Variants in PLCB1 observed in about 807,000 individuals in gnomAD.
PLCB1 encodes 1-phosphatidylinositol 4,5-bisphosphate phosphodiesterase beta-1.
In PLCB1, 46 loss-of-function variants were observed where a neutral mutation model predicts 161.8. The ratio of observed to expected loss-of-function variants is 0.28; its 90% CI spans 0.22 to 0.36. The LOEUF (loss-of-function observed/expected upper bound fraction) is 0.36. PLCB1 is among the 10% of genes least tolerant of loss of function. The probability of loss-of-function intolerance (pLI) is 1.00; values close to 1 mark genes in which losing one functional copy is unlikely to be tolerated. For synonymous variants in PLCB1, 517 were observed against 503.7 expected (o/e 1.03, Z -0.35); for missense variants, 1,016 against 1,472.5 (o/e 0.69, Z 5.07).
chr20:8,672,391 G>A (rs911754126), intron 9 of PLCB1, among the ~76,000 whole-genome samples: 32 of 136,600 alleles, frequency 2.3e-4, no homozygotes, highest in Non-Finnish European at 4.4e-4. Context: ...GCACTTTCCT[G>A]TTATACTCTT....
chr20:8,270,149 C>T (rs999805632), intron 2 of PLCB1, among the ~76,000 whole-genome samples: 3 of 152,004 alleles, frequency 2.0e-5, no homozygotes, highest in African/African-American at 4.8e-5. Flanking sequence ...AATAATGTTC[C>T]GGAGATGTTG....
At chr20:8,546,313 C>CAAAAAAAAAAAAAAAAAAAAAAAAAA (rs369485988) in intron 3 of PLCB1, among the ~76,000 whole-genome samples, 1 of 102,938 alleles carries the variant, frequency 9.7e-6, no homozygotes, top group Non-Finnish European at 1.9e-5. Flanking sequence ...GACTCTATCT[C>CAAAAAAAAAAAAAAAAAAAAAAAAAA]AAAAAAAAAA....
At chr20:8,538,197 TTC>T (rs1985131093) in intron 3 of PLCB1, among the ~76,000 whole-genome samples, 2 of 152,072 alleles carry the variant, frequency 1.3e-5, no homozygotes, top group South Asian at 2.1e-4. Flanking sequence ...AATTGAAATA[TTC>T]ACATATCTTA....
chr20:8,600,384 TG>T (rs1351463493), intron 3 of PLCB1, among the ~76,000 whole-genome samples: 189 of 125,456 alleles, frequency 1.5e-3, no homozygotes, highest in Admixed American at 3.0e-3. Context: ...GTGCCCCTGC[TG>T]GGGGGTGCCT....
chr20:8,685,787 A>G (rs1217897484), intron 10 of PLCB1, among the ~76,000 whole-genome samples: 1 of 152,112 alleles, frequency 6.6e-6, no homozygotes, highest in Non-Finnish European at 1.5e-5. Flanking sequence ...AAGGTAGGAC[A>G]GGGCTTTAGA....
chr20:8,764,326 G>T (rs905017460), intron 25 of PLCB1, among the ~76,000 whole-genome samples: 8 of 152,132 alleles, frequency 5.3e-5, no homozygotes, highest in Admixed American at 1.3e-4. Flanking sequence ...TGTTTATACT[G>T]TAAATGATAC....
intron 3 of PLCB1, among the ~76,000 whole-genome samples, chr20:8,488,243 A>T (rs1283520784): frequency 6.6e-6 from 1 of 151,906 alleles, no homozygotes; most frequent in Non-Finnish European, 1.5e-5. Flanking sequence ...GAAGTGAATT[A>T]AACATGTTTA....
intron 2 of PLCB1, among the ~76,000 whole-genome samples, chr20:8,189,589 C>G (rs73080291): frequency 0.034 from 5,110 of 152,094 alleles, 107 homozygotes; most frequent in Non-Finnish European, 0.05. Flanking sequence ...ATAGAAAACA[C>G]AATGAACTTG....
intron 3 of PLCB1, among the ~76,000 whole-genome samples, chr20:8,485,226 T>G (rs914162713): frequency 3.3e-5 from 5 of 152,198 alleles, no homozygotes; most frequent in African/African-American, 1.2e-4. Flanking sequence ...GAACTTAGAT[T>G]AAGGGAGTAG....
At chr20:8,763,802 A>T (rs1172143782) in intron 25 of PLCB1, among the ~76,000 whole-genome samples, 1 of 152,066 alleles carries the variant, frequency 6.6e-6, no homozygotes, top group Non-Finnish European at 1.5e-5. Flanking sequence ...TACAGGCATG[A>T]GCCAATGCAC....
At chr20:8,151,257 C>T (rs10485719) in intron 2 of PLCB1, among the ~76,000 whole-genome samples, 61,531 of 151,986 alleles carry the variant, frequency 0.4, 12,510 homozygotes, top group Middle Eastern at 0.46. Context: ...TCCACAGTTA[C>T]GGATGAAGGA....
intron 2 of PLCB1, among the ~76,000 whole-genome samples, chr20:8,334,900 C>A (rs1985516134): frequency 6.6e-6 from 1 of 152,216 alleles, no homozygotes; most frequent in Non-Finnish European, 1.5e-5. Context: ...GCAGAACATT[C>A]TCAGGTGCTC....
intron 31 of PLCB1, among the ~76,000 whole-genome samples, chr20:8,858,447 T>G (rs1293056253): frequency 6.6e-6 from 1 of 152,232 alleles, no homozygotes; most frequent in African/African-American, 2.4e-5. Flanking sequence ...TAAATTCCAA[T>G]GATAGGACAG....
chr20:8,837,270 C>T (rs1199490561), intron 31 of PLCB1, among the ~76,000 whole-genome samples: 1 of 152,076 alleles, frequency 6.6e-6, no homozygotes, highest in Non-Finnish European at 1.5e-5. Context: ...CCAAAGAGGC[C>T]CCTAAAGGTG....
At chr20:8,263,407 G>A (rs1194162396) in intron 2 of PLCB1, among the ~76,000 whole-genome samples, 2 of 152,166 alleles carry the variant, frequency 1.3e-5, no homozygotes, top group Non-Finnish European at 2.9e-5. Flanking sequence ...TTCAAATGCT[G>A]AGGTTATTTC....
intron 3 of PLCB1, among the ~76,000 whole-genome samples, chr20:8,405,023 C>T (rs1210707123): frequency 6.6e-6 from 1 of 152,168 alleles, no homozygotes; most frequent in Non-Finnish European, 1.5e-5. Flanking sequence ...CAAATGATGA[C>T]TCTTTCAGTT....
intron 2 of PLCB1, among the ~76,000 whole-genome samples, chr20:8,266,144 T>C (rs973486230): frequency 4.6e-5 from 7 of 152,204 alleles, no homozygotes; most frequent in African/African-American, 1.7e-4. Flanking sequence ...AATAATGCTA[T>C]GTAACAAGCC....
intron 31 of PLCB1, among the ~76,000 whole-genome samples, chr20:8,828,176 AG>A (rs1325614412): frequency 6.6e-6 from 1 of 152,118 alleles, no homozygotes; most frequent in Non-Finnish European, 1.5e-5. Context: ...ATGGGTTGAA[AG>A]CTCTGGAAAC....
intron 4 of PLCB1, among the ~76,000 whole-genome samples, chr20:8,642,479 A>C (rs910805686): frequency 6.6e-6 from 1 of 152,222 alleles, no homozygotes; most frequent in Non-Finnish European, 1.5e-5. Flanking sequence ...TGACTGAATC[A>C]CACAATGTTC....
Sources: gnomAD v4.1 joint callset for allele counts (sites outside exome capture counted in the v4.1 genomes callset) on GRCh38, gnomAD v4.1.1 for gene constraint, MANE v1.5 for transcripts, NCBI Gene and HGNC (gene_info 2026-07-23, HGNC 2026-07-21) for gene names.